MAGI2: variants seen among roughly 807,000 people sequenced by gnomAD.
The protein encoded by MAGI2 is membrane associated guanylate kinase, WW and PDZ domain containing 2.
A neutral mutation model predicts 133.3 loss-of-function variants in MAGI2; 35 were observed. The observed-to-expected ratio is 0.26, with a 90% CI of 0.20 to 0.35. The LOEUF (loss-of-function observed/expected upper bound fraction) is 0.35, where lower values mean the gene tolerates loss of function less well. MAGI2 is among the 10% of genes least tolerant of loss of function. MAGI2 has a pLI of 1.00. For missense variants in MAGI2, 1,636 were observed against 1,863.4 expected (o/e 0.88, Z 2.25); for synonymous variants, 729 against 710.6 (o/e 1.03, Z -0.41).
At chr7:79,447,024 T>G (rs1165655751) in intron 1 of MAGI2, among the ~76,000 whole-genome samples, 1 of 152,138 alleles carries the variant, frequency 6.6e-6, no homozygotes. Context: ...ATTCAATAAC[T>G]TATCAAAGAA....
intron 2 of MAGI2, among the ~76,000 whole-genome samples, chr7:78,693,912 G>A (rs1029171977): frequency 6.6e-6 from 1 of 152,144 alleles, no homozygotes; most frequent in Non-Finnish European, 1.5e-5. Context: ...CCTTAGAAAA[G>A]TGTCTGCTGC....
intron 2 of MAGI2, among the ~76,000 whole-genome samples, chr7:78,870,466 A>G (rs1487168974): frequency 1.3e-5 from 2 of 152,200 alleles, no homozygotes; most frequent in African/African-American, 4.8e-5. Flanking sequence ...ATCACTAATT[A>G]TCAGGGAAAT....
At chr7:78,238,173 G>T (rs1790751343) in intron 10 of MAGI2, among the ~76,000 whole-genome samples, 1 of 152,026 alleles carries the variant, frequency 6.6e-6, no homozygotes, top group South Asian at 2.1e-4. Flanking sequence ...CTAGTCCTCA[G>T]AATGTTTCTC....
At chr7:78,668,035 C>G (rs1362049718) in intron 2 of MAGI2, among the ~76,000 whole-genome samples, 1 of 152,124 alleles carries the variant, frequency 6.6e-6, no homozygotes, top group Non-Finnish European at 1.5e-5. Flanking sequence ...TATTTCTCCC[C>G]ACATCCTCTC....
At chr7:79,209,192 A>G (rs1829301033) in intron 1 of MAGI2, among the ~76,000 whole-genome samples, 2 of 151,848 alleles carry the variant, frequency 1.3e-5, no homozygotes, top group Admixed American at 1.3e-4. Context: ...TATAAAAATA[A>G]TAACTATGTG....
chr7:78,161,688 GA>G lies in MAGI2; in HGVS notation c.2597-1416del, dbSNP rs397753924. On this transcript the variant is annotated intron_variant, in intron 15 of 21. Transcript: ENST00000354212. ...TACCTAAAAAAAAAAAAAAAAAAAAGAAAAAAAAAAAGCTGTATTTGTTTAT... is the reference window on the plus strand; with the variant it reads ...TACCTAAAAAAAAAAAAAAAAAAAAGAAAAAAAAAAGCTGTATTTGTTTAT... 9.9e-3 allele frequency among the ~76,000 whole-genome samples: 1,060 copies of G among 107,166 alleles called. 10 individuals are homozygous for G. Among genetic ancestry groups the G allele is most frequent in the African/African-American group, 0.031 (927 of 29,866 alleles). The allele number at this position is 107,166 out of a possible 152,430, so 70.3% of individuals were successfully genotyped here. A position where few individuals can be genotyped will look rare whatever the true frequency, so the allele number is the denominator to read the frequency against.
intron 9 of MAGI2, among the ~76,000 whole-genome samples, chr7:78,300,076 A>G (rs1562783885): frequency 6.6e-6 from 1 of 152,216 alleles, no homozygotes; most frequent in Non-Finnish European, 1.5e-5. Flanking sequence ...CACTGACAAC[A>G]GTAGTATAAG....
chr7:79,208,782 G>A (rs1829270323), intron 1 of MAGI2, among the ~76,000 whole-genome samples: 1 of 151,890 alleles, frequency 6.6e-6, no homozygotes, highest in African/African-American at 2.4e-5. Flanking sequence ...ATTAACCTAA[G>A]TGTTCATCAG....
At chr7:78,177,527 T>C (rs1314538044) in intron 14 of MAGI2, among the ~76,000 whole-genome samples, 2 of 152,124 alleles carry the variant, frequency 1.3e-5, no homozygotes, top group Non-Finnish European at 2.9e-5. Context: ...CCAACTGCAG[T>C]TGACTTTATG....
intron 2 of MAGI2, among the ~76,000 whole-genome samples, chr7:78,918,776 A>T (rs559194937): frequency 6.6e-6 from 1 of 152,158 alleles, no homozygotes; most frequent in Admixed American, 6.6e-5. Context: ...CTTCAAAGTC[A>T]TATAACCTCA....
At chr7:78,155,724 A>G (rs1229353155) in intron 16 of MAGI2, among the ~76,000 whole-genome samples, 1 of 152,202 alleles carries the variant, frequency 6.6e-6, no homozygotes, top group Non-Finnish European at 1.5e-5. Flanking sequence ...CTCCTATGCA[A>G]TGGTTGGCCT....
chr7:78,631,465 A>T (rs1808992837), intron 2 of MAGI2, among the ~76,000 whole-genome samples: 1 of 152,148 alleles, frequency 6.6e-6, no homozygotes, highest in Admixed American at 6.5e-5. Flanking sequence ...CTGGTGAAGC[A>T]CCAGGCTGAT....
chr7:78,080,742 G>T (rs1000636192), intron 20 of MAGI2, among the ~76,000 whole-genome samples: 2 of 152,092 alleles, frequency 1.3e-5, no homozygotes, highest in Admixed American at 6.5e-5. Context: ...AGAAGCAGTA[G>T]ACAGGGCTAA....
intron 1 of MAGI2, 187 bp downstream of exon 1, chr7:79,452,833 C>T: frequency 1.6e-6 from 1 of 616,134 alleles, no homozygotes. Context: ...CACAACCTGC[C>T]CCTCCCCTCC....
At chr7:78,945,523 CTT>C (rs1307908842) in intron 2 of MAGI2, among the ~76,000 whole-genome samples, 2 of 152,136 alleles carry the variant, frequency 1.3e-5, no homozygotes, top group Admixed American at 6.6e-5. Context: ...AACATCCACT[CTT>C]TACATTTTCA....
chr7:78,426,601 TATA>T (rs958004227), intron 6 of MAGI2, among the ~76,000 whole-genome samples: 11 of 150,492 alleles, frequency 7.3e-5, no homozygotes, highest in African/African-American at 1.5e-4. Context: ...AAACTTAAAG[TATA>T]ATAATAATAA....
chr7:78,612,872 G>C (rs1193034113), intron 3 of MAGI2, among the ~76,000 whole-genome samples: 1 of 151,888 alleles, frequency 6.6e-6, no homozygotes, highest in Non-Finnish European at 1.5e-5. Context: ...GGGTTTCACT[G>C]TGTTAGCCAG....
intron 1 of MAGI2, among the ~76,000 whole-genome samples, chr7:79,271,337 C>T (rs567929622): frequency 6.6e-6 from 1 of 152,178 alleles, no homozygotes; most frequent in East Asian, 1.9e-4. Flanking sequence ...CAGCATTTTA[C>T]GTCTAGCACT....
intron 9 of MAGI2, among the ~76,000 whole-genome samples, chr7:78,276,157 C>T (rs1487488654): frequency 6.6e-6 from 1 of 152,086 alleles, no homozygotes; most frequent in African/African-American, 2.4e-5. Flanking sequence ...ATATTTATTG[C>T]TACATCAAAA....
Sources: gnomAD v4.1 joint callset for allele counts (sites outside exome capture counted in the v4.1 genomes callset) on GRCh38, gnomAD v4.1.1 for gene constraint, MANE v1.5 for transcripts, NCBI Gene and HGNC (gene_info 2026-07-23, HGNC 2026-07-21) for gene names.